SCD5: variants seen among roughly 807,000 people sequenced by gnomAD.
SCD5 encodes acyl-CoA-desaturase 4.
A neutral mutation model predicts 30.4 loss-of-function variants in SCD5; 20 were observed. The ratio of observed to expected loss-of-function variants is 0.66; its 90% CI spans 0.46 to 0.96. The LOEUF (loss-of-function observed/expected upper bound fraction) is 0.96. Ranked by LOEUF, SCD5 falls within the 40% of genes least tolerant of loss-of-function variation. SCD5 has a pLI of 0.00. For synonymous variants in SCD5, 173 were observed against 176.4 expected (o/e 0.98, Z 0.16); for missense variants, 381 against 443.3 (o/e 0.86, Z 1.26).
At chr4:82,639,189 C>T (rs1056974596) in intron 3 of SCD5, among the ~76,000 whole-genome samples, 11 of 152,194 alleles carry the variant, frequency 7.2e-5, no homozygotes, top group Non-Finnish European at 1.6e-4. Context: ...CACTGGGATA[C>T]AGGATGGCTG....
chr4:82,635,619 TAA>T (rs3972726), intron 4 of SCD5, among the ~76,000 whole-genome samples: 3 of 114,492 alleles, frequency 2.6e-5, no homozygotes, highest in Middle Eastern at 4.1e-3. Context: ...GACTCCGTCT[TAA>T]AAAAAAAAAA....
chr4:82,759,886 A>G (rs1478665843), intron 1 of SCD5, among the ~76,000 whole-genome samples: 1 of 152,132 alleles, frequency 6.6e-6, no homozygotes, highest in East Asian at 1.9e-4. Flanking sequence ...CTTAAAGGTA[A>G]TAATTCCTTT....
intron 1 of SCD5, among the ~76,000 whole-genome samples, chr4:82,726,205 G>A (rs1337370668): frequency 6.6e-6 from 1 of 152,136 alleles, no homozygotes; most frequent in African/African-American, 2.4e-5. Flanking sequence ...GATCACCTGA[G>A]GTCAGGAGTT....
At chr4:82,796,010 C>T (rs1279831711) in intron 1 of SCD5, among the ~76,000 whole-genome samples, 3 of 151,616 alleles carry the variant, frequency 2.0e-5, no homozygotes, top group Non-Finnish European at 4.4e-5. Flanking sequence ...GTGGCTCACG[C>T]CTGTAATTCC....
chr4:82,677,199 C>G (rs1270134335), intron 3 of SCD5, among the ~76,000 whole-genome samples: 1 of 152,200 alleles, frequency 6.6e-6, no homozygotes, highest in Non-Finnish European at 1.5e-5. Context: ...TTGATCTGCA[C>G]AAACATTGCA....
chr4:82,793,094 GA>G (rs1413574291), intron 1 of SCD5, among the ~76,000 whole-genome samples: 1 of 152,170 alleles, frequency 6.6e-6, no homozygotes, highest in East Asian at 1.9e-4. Flanking sequence ...AAAAATGCAA[GA>G]GTTGTAACAA....
chr4:82,697,991 TA>T, intron 2 of SCD5: 1 of 456,702 alleles, frequency 2.2e-6, no homozygotes, highest in South Asian at 1.5e-5. Flanking sequence ...TGGAAGAAGA[TA>T]ATGTGAGGCA....
chr4:82,756,870 C>CT (rs1560554705), intron 1 of SCD5, among the ~76,000 whole-genome samples: 1 of 152,098 alleles, frequency 6.6e-6, no homozygotes, highest in Non-Finnish European at 1.5e-5. Context: ...TGAAACCAAA[C>CT]TGTTGTTGTT....
intron 1 of SCD5, among the ~76,000 whole-genome samples, chr4:82,759,532 T>G (rs746981891): frequency 6.6e-6 from 1 of 151,612 alleles, no homozygotes; most frequent in Non-Finnish European, 1.5e-5. Context: ...CTGCTCAGGA[T>G]CATTTCAGCT....
chr4:82,768,783 C>A (rs184678388), intron 1 of SCD5, among the ~76,000 whole-genome samples: 73 of 152,032 alleles, frequency 4.8e-4, no homozygotes, highest in Middle Eastern at 3.4e-3. Context: ...ATTTTTTAAA[C>A]GAGTTTTGCC....
intron 1 of SCD5, among the ~76,000 whole-genome samples, chr4:82,741,192 GC>G (rs1720864765): frequency 1.3e-5 from 2 of 151,308 alleles, no homozygotes; most frequent in Admixed American, 1.3e-4. Flanking sequence ...GCCCGCCTCA[GC>G]TCCCAAAGTG....
intron 1 of SCD5, among the ~76,000 whole-genome samples, chr4:82,730,678 C>T (rs1720621465): frequency 1.3e-5 from 2 of 150,502 alleles, no homozygotes; most frequent in South Asian, 4.2e-4. Flanking sequence ...CTCTGCCTCC[C>T]GGGTTCACAC....
In SCD5 at chr4:82,646,739, G is replaced by A. The variant is rs994752141; in HGVS notation, c.570-9916C>T. 2.0e-5 allele frequency among the ~76,000 whole-genome samples: 3 copies of A among 152,214 alleles called. No homozygotes were observed. The East Asian group carries it at 5.8e-4, about 29-fold the overall frequency. ...ATGCATCTCCTCCCCTGTGGAGGAAGCAGAGGGCAGACCACTGCTTCACAA... is the reference window on the plus strand; with the variant it reads ...ATGCATCTCCTCCCCTGTGGAGGAAACAGAGGGCAGACCACTGCTTCACAA... On this transcript the variant is annotated intron_variant, in intron 3 of 4. Coordinates refer to ENST00000319540, the MANE Select transcript of SCD5 (RefSeq NM_001037582.3).
At chr4:82,708,026 A>G (rs1390273749) in intron 1 of SCD5, among the ~76,000 whole-genome samples, 1 of 152,210 alleles carries the variant, frequency 6.6e-6, no homozygotes, top group Non-Finnish European at 1.5e-5. Context: ...TTAAATCCTG[A>G]TTGTAGAATA....
intron 3 of SCD5, among the ~76,000 whole-genome samples, chr4:82,658,060 C>T (rs1727902647): frequency 6.6e-6 from 1 of 152,176 alleles, no homozygotes; most frequent in South Asian, 2.1e-4. Flanking sequence ...ATTTGACTTC[C>T]TCTCTTCCTA....
At chr4:82,698,260 A>G (rs1488781488) in intron 2 of SCD5, among the ~76,000 whole-genome samples, 2 of 152,328 alleles carry the variant, frequency 1.3e-5, no homozygotes, top group East Asian at 1.9e-4. Flanking sequence ...AGAGAGCCAC[A>G]TAAGGTTAAG....
At chr4:82,676,091 T>C (rs1432177854) in intron 3 of SCD5, among the ~76,000 whole-genome samples, 1 of 152,140 alleles carries the variant, frequency 6.6e-6, no homozygotes, top group Non-Finnish European at 1.5e-5. Context: ...AACTCAGCAA[T>C]GTGCTCCCTT....
chr4:82,683,407 T>C (rs1728622335), intron 2 of SCD5, among the ~76,000 whole-genome samples: 1 of 152,124 alleles, frequency 6.6e-6, no homozygotes, highest in Admixed American at 6.6e-5. Flanking sequence ...GAACACTCTG[T>C]CCCCCATTCA....
chr4:82,740,208 C>T (rs12646587), intron 1 of SCD5, among the ~76,000 whole-genome samples: 22,062 of 152,170 alleles, frequency 0.14, 2,844 homozygotes, highest in African/African-American at 0.35. Context: ...AGAGCGGAGA[C>T]ATGGAGGAAA....
Sources: gnomAD v4.1 joint callset for allele counts (sites outside exome capture counted in the v4.1 genomes callset) on GRCh38, gnomAD v4.1.1 for gene constraint, MANE v1.5 for transcripts, NCBI Gene and HGNC (gene_info 2026-07-23, HGNC 2026-07-21) for gene names.